RBMS1: variants seen among roughly 807,000 people sequenced by gnomAD.
The protein encoded by RBMS1 is RNA-binding motif, single-stranded-interacting protein 1.
A neutral mutation model predicts 62.3 loss-of-function variants in RBMS1; 17 were observed. That is an observed-to-expected ratio of 0.27 (90% CI 0.19 to 0.41). The LOEUF is 0.41. Among genes scored for constraint, RBMS1 ranks in the 10% least tolerant of loss-of-function variants. The pLI, the probability that RBMS1 is intolerant of heterozygous loss-of-function variation, is 1.00. For missense variants in RBMS1, 334 were observed against 504.5 expected (o/e 0.66, Z 3.24); for synonymous variants, 172 against 170.0 (o/e 1.01, Z -0.09).
intron 2 of RBMS1, among the ~76,000 whole-genome samples, chr2:160,338,582 T>C (rs1691700468): frequency 6.6e-6 from 1 of 152,216 alleles, no homozygotes. Flanking sequence ...GCAGTCATCA[T>C]ATCCTGCTTG....
rs914380388 is a variant in RBMS1 at position 160,274,214 on chromosome 2, GAA to G, written c.*556_*557del. 17 of 152,602 alleles carry G rather than the reference GAA, an allele frequency of 1.1e-4. No homozygotes were observed. Among genetic ancestry groups the G allele is most frequent in the African/African-American group, 4.1e-4 (17 of 41,444 alleles). 9.5% of individuals were successfully genotyped at this position (152,602 alleles called of 1,614,324 possible). A position where few individuals can be genotyped will look rare whatever the true frequency, so the allele number is the denominator to read the frequency against. ...TAAGACACTTCACACTACGTTGAAA[GAA>G]AGACAGAAAGCTAAGAAAAGAGACA... On this transcript the variant is annotated 3_prime_UTR_variant, in exon 14 of 14. Transcript: ENST00000348849.
At chr2:160,320,394 G>C (rs1690488672) in intron 2 of RBMS1, among the ~76,000 whole-genome samples, 1 of 152,112 alleles carries the variant, frequency 6.6e-6, no homozygotes, top group African/African-American at 2.4e-5. Flanking sequence ...GGTCGCTTTA[G>C]CCTGGGAGGC....
intron 2 of RBMS1, among the ~76,000 whole-genome samples, chr2:160,328,497 T>G (rs918748984): frequency 6.6e-6 from 1 of 151,950 alleles, no homozygotes; most frequent in Admixed American, 6.6e-5. Context: ...CCCCAAAAAG[T>G]GTTTGGTGTG....
chr2:160,493,476 G>GGCTGCCGCTGCTGCC lies in RBMS1; in HGVS notation c.-114_-113insGGCAGCAGCGGCAGC, dbSNP rs1685955061. ...CGGCGGCAGCGGCGGCGGCGGCGGC[G>GGCTGCCGCTGCTGCC]GCTGCTGCTGCTGCCGCTGCTCCAC... On this transcript the variant is annotated 5_prime_UTR_variant, in exon 1 of 14. Coordinates refer to ENST00000348849, the MANE Select transcript of RBMS1 (RefSeq NM_016836.4). 2.3e-6 allele frequency: 2 copies of GGCTGCCGCTGCTGCC among 873,242 alleles called. No individual in the cohort carries two copies. The highest frequency in any genetic ancestry group is 3.7e-6 in the Non-Finnish European group (2 of 547,228). 54.1% of individuals were successfully genotyped at this position (873,242 alleles called of 1,614,324 possible).
intron 2 of RBMS1, among the ~76,000 whole-genome samples, chr2:160,331,598 A>C (rs1367099047): frequency 6.6e-6 from 1 of 152,240 alleles, no homozygotes; most frequent in African/African-American, 2.4e-5. Flanking sequence ...GGAGTGGAGG[A>C]ATAAATAAAT....
At chr2:160,446,131 T>G (rs1323687763) in intron 1 of RBMS1, among the ~76,000 whole-genome samples, 1 of 152,098 alleles carries the variant, frequency 6.6e-6, no homozygotes, top group African/African-American at 2.4e-5. Flanking sequence ...GAAATCAGAG[T>G]TTAAATAACA....
chr2:160,340,353 G>A (rs1274817308), intron 2 of RBMS1, among the ~76,000 whole-genome samples: 1 of 152,072 alleles, frequency 6.6e-6, no homozygotes, highest in Non-Finnish European at 1.5e-5. Context: ...GCAGATATGA[G>A]ACTCTGGAAG....
At chr2:160,449,302 C>T (rs776288876) in intron 1 of RBMS1, among the ~76,000 whole-genome samples, 3 of 152,020 alleles carry the variant, frequency 2.0e-5, no homozygotes, top group South Asian at 2.1e-4. Context: ...CCCCTCTGCC[C>T]GGCCGCCACC....
intron 2 of RBMS1, among the ~76,000 whole-genome samples, chr2:160,318,760 A>G (rs944283245): frequency 3.9e-5 from 6 of 152,236 alleles, no homozygotes; most frequent in African/African-American, 1.4e-4. Flanking sequence ...TGTTTAGCAC[A>G]CTTAATGGTG....
At chr2:160,462,387 T>C (rs1400249609) in intron 1 of RBMS1, among the ~76,000 whole-genome samples, 1 of 151,908 alleles carries the variant, frequency 6.6e-6, no homozygotes, top group Non-Finnish European at 1.5e-5. Flanking sequence ...ATGACACCAG[T>C]CAAATTAGGG....
intron 4 of RBMS1, among the ~76,000 whole-genome samples, chr2:160,312,510 T>C (rs796327637): frequency 6.6e-6 from 1 of 152,224 alleles, no homozygotes; most frequent in South Asian, 2.1e-4. Flanking sequence ...GAAGAAATTT[T>C]CAACAATATT....
intron 1 of RBMS1, among the ~76,000 whole-genome samples, chr2:160,374,238 G>C (rs1014874775): frequency 6.6e-6 from 1 of 152,108 alleles, no homozygotes; most frequent in Non-Finnish European, 1.5e-5. Flanking sequence ...CTGGGTAACA[G>C]AGCGAGACCT....
At chr2:160,293,900 T>C (rs1163985261) in intron 6 of RBMS1, among the ~76,000 whole-genome samples, 1 of 152,224 alleles carries the variant, frequency 6.6e-6, no homozygotes, top group Non-Finnish European at 1.5e-5. Context: ...TGGACACTGG[T>C]TCTAGATAAC....
chr2:160,407,825 G>T, intron 1 of RBMS1: 1 of 981,264 alleles, frequency 1.0e-6, no homozygotes, highest in Non-Finnish European at 1.2e-6. Context: ...CGGAGCTGGC[G>T]GCGTCGCCGA....
rs1297335178 is a variant in RBMS1 at position 160,435,773 on chromosome 2, T to C, written c.75+57516A>G. On this transcript the variant is annotated intron_variant, in intron 1 of 13. Transcript: ENST00000348849. ...ATGGAAAATCTTGAATTATTTTAGG[T>C]CCAGACTGTATTAATCTTCTTTGCC... Among the ~76,000 whole-genome samples, 4 of 152,240 alleles carry C rather than the reference T, an allele frequency of 2.6e-5. No individual in the cohort carries two copies. The East Asian group carries it at 7.7e-4, about 29-fold the overall frequency.
chr2:160,477,335 A>C (rs1385400930), intron 1 of RBMS1, among the ~76,000 whole-genome samples: 1 of 152,176 alleles, frequency 6.6e-6, no homozygotes, highest in Non-Finnish European at 1.5e-5. Context: ...CTACAGAGCG[A>C]GACTCTGTTT....
At chr2:160,292,017 A>G (rs1688705074) in intron 6 of RBMS1, among the ~76,000 whole-genome samples, 1 of 152,068 alleles carries the variant, frequency 6.6e-6, no homozygotes, top group South Asian at 2.1e-4. Context: ...GTCCTTCTCT[A>G]CCTTGTTTAA....
chr2:160,440,356 C>CGAAT (rs1683362172), intron 1 of RBMS1, among the ~76,000 whole-genome samples: 2 of 152,110 alleles, frequency 1.3e-5, no homozygotes, highest in African/African-American at 4.8e-5. Context: ...ACACCTAAAA[C>CGAAT]GAATCCAGCA....
chr2:160,444,727 T>C (rs1355197592), intron 1 of RBMS1, among the ~76,000 whole-genome samples: 3 of 151,936 alleles, frequency 2.0e-5, no homozygotes, highest in Admixed American at 2.0e-4. Flanking sequence ...TTAAATGAGG[T>C]CAAAAGGCTG....
Sources: gnomAD v4.1 joint callset for allele counts (sites outside exome capture counted in the v4.1 genomes callset) on GRCh38, gnomAD v4.1.1 for gene constraint, MANE v1.5 for transcripts, NCBI Gene and HGNC (gene_info 2026-07-23, HGNC 2026-07-21) for gene names.